NRG1: variants seen among roughly 807,000 people sequenced by gnomAD.
The protein encoded by NRG1 is neuregulin 1, also known as pro-neuregulin-1, membrane-bound isoform.
In NRG1, 18 loss-of-function variants were observed where a neutral mutation model predicts 63.8. That is an observed-to-expected ratio of 0.28 (90% CI 0.19 to 0.42). NRG1 has a LOEUF of 0.42. NRG1 is among the 10% of genes least tolerant of loss of function. The pLI is 1.00. For synonymous variants in NRG1, 302 were observed against 301.3 expected (o/e 1.00, Z -0.02); for missense variants, 762 against 814.7 (o/e 0.94, Z 0.79).
At chr8:32,395,893 C>T (rs1168044025) in intron 1 of NRG1, among the ~76,000 whole-genome samples, 1 of 152,042 alleles carries the variant, frequency 6.6e-6, no homozygotes, top group Non-Finnish European at 1.5e-5. Flanking sequence ...ATCCATTTTA[C>T]ATTAATTTTT....
chr8:32,277,519 TTA>T (rs1195788638), intron 1 of NRG1, among the ~76,000 whole-genome samples: 3 of 152,240 alleles, frequency 2.0e-5, no homozygotes, highest in Non-Finnish European at 4.4e-5. Flanking sequence ...TAAACAATCA[TTA>T]TATATGTTTC....
chr8:32,379,625 TC>T (rs1401266558), intron 1 of NRG1, among the ~76,000 whole-genome samples: 1 of 152,234 alleles, frequency 6.6e-6, no homozygotes, highest in Non-Finnish European at 1.5e-5. Context: ...GTCAGATCCT[TC>T]TGCATGTGCA....
At chr8:32,712,651 A>G (rs1403905454) in intron 5 of NRG1, among the ~76,000 whole-genome samples, 4 of 152,152 alleles carry the variant, frequency 2.6e-5, no homozygotes, top group Non-Finnish European at 4.4e-5. Context: ...TTATTAAGTC[A>G]TAGAGTTTAG....
At chr8:32,734,663 T>A (rs1296396005) in intron 6 of NRG1, among the ~76,000 whole-genome samples, 1 of 152,230 alleles carries the variant, frequency 6.6e-6, no homozygotes, top group Non-Finnish European at 1.5e-5. Context: ...TCCTCATATA[T>A]CTAGAATCCT....
Position 31,640,299 on chromosome 8 carries a change from G to T in NRG1, c.37+868G>T, listed in dbSNP as rs1254098390. The T allele has an allele frequency of 8.8e-7, 1 of 1,135,132 alleles. No homozygotes were observed. Among genetic ancestry groups the T allele is most frequent in the Non-Finnish European group, 1.1e-6 (1 of 926,466 alleles). The allele number at this position is 1,135,132 out of a possible 1,614,324, so 70.3% of individuals were successfully genotyped here. ...TCGACAGGAAGGCGGCGGCGGCGGC[G>T]GGCGAGGCAGGGGCGTGGGGCGGCG... is the stretch of plus-strand genomic sequence containing the variant. On this transcript the variant is annotated intron_variant, in intron 1 of 10. Coordinates refer to the NRG1 transcript ENST00000519301. This position sits in a 1 kb window ranked among gnomAD's most constrained non-coding sequence, Gnocchi z 6.3.
At chr8:31,851,010 G>A (rs1827160239) in intron 1 of NRG1, among the ~76,000 whole-genome samples, 1 of 152,102 alleles carries the variant, frequency 6.6e-6, no homozygotes, top group Non-Finnish European at 1.5e-5. Context: ...TAACTTTGGT[G>A]GCCATATACT....
At chr8:32,337,037 G>A (rs892725441) in intron 1 of NRG1, among the ~76,000 whole-genome samples, 4 of 151,976 alleles carry the variant, frequency 2.6e-5, no homozygotes, top group Non-Finnish European at 5.9e-5. Context: ...TGAAACAGGG[G>A]CTCACCCTGT....
intron 1 of NRG1, among the ~76,000 whole-genome samples, chr8:31,982,537 A>G (rs1169070872): frequency 1.3e-5 from 2 of 152,098 alleles, no homozygotes; most frequent in Non-Finnish European, 2.9e-5. Context: ...ATGTTTCTGC[A>G]CATTTAGAAT....
intron 1 of NRG1, among the ~76,000 whole-genome samples, chr8:31,653,475 G>A (rs1433107825): frequency 6.6e-6 from 1 of 152,146 alleles, no homozygotes; most frequent in African/African-American, 2.4e-5. Flanking sequence ...AACTAACACC[G>A]AGGCATAGCC....
At chr8:32,068,394 T>G (rs1257023680) in intron 1 of NRG1, among the ~76,000 whole-genome samples, 2 of 152,160 alleles carry the variant, frequency 1.3e-5, no homozygotes, top group Non-Finnish European at 2.9e-5. Flanking sequence ...AATCAGGGAA[T>G]GTGGACAAAG....
chr8:32,211,885 C>T (rs1275553712), intron 1 of NRG1, among the ~76,000 whole-genome samples: 4 of 152,056 alleles, frequency 2.6e-5, no homozygotes, highest in African/African-American at 7.2e-5. Flanking sequence ...TAGAAAAATA[C>T]TGTTTTCTCC....
At chr8:32,630,791 A>C (rs1459090210) in intron 5 of NRG1, among the ~76,000 whole-genome samples, 2 of 151,190 alleles carry the variant, frequency 1.3e-5, no homozygotes, top group African/African-American at 4.9e-5. Context: ...CATTTAAAGC[A>C]TGCAGCCTCT....
At chr8:31,901,437 A>G (rs1462143997) in intron 1 of NRG1, among the ~76,000 whole-genome samples, 2 of 152,228 alleles carry the variant, frequency 1.3e-5, no homozygotes, top group Non-Finnish European at 2.9e-5. Flanking sequence ...ATGAAGGAAT[A>G]ATGAAAGGCT....
intron 3 of NRG1, among the ~76,000 whole-genome samples, chr8:32,613,784 A>C (rs1846812697): frequency 6.6e-6 from 1 of 152,118 alleles, no homozygotes; most frequent in African/African-American, 2.4e-5. Context: ...AGATTCTGCC[A>C]AACTGAAGCC....
intron 1 of NRG1, among the ~76,000 whole-genome samples, chr8:32,190,935 A>G (rs1180448831): frequency 1.3e-5 from 2 of 152,192 alleles, no homozygotes; most frequent in South Asian, 2.1e-4. Context: ...AATAGGCAGT[A>G]CTTTGGTCCA....
intron 1 of NRG1, among the ~76,000 whole-genome samples, chr8:32,144,140 T>C (rs1836605364): frequency 6.6e-6 from 1 of 152,106 alleles, no homozygotes; most frequent in Admixed American, 6.5e-5. Flanking sequence ...CAGAGGCATC[T>C]GGAGACTGAG....
intron 1 of NRG1, among the ~76,000 whole-genome samples, chr8:32,025,032 G>A (rs1333814007): frequency 6.6e-6 from 1 of 152,124 alleles, no homozygotes; most frequent in East Asian, 1.9e-4. Flanking sequence ...TCTGAAGAAT[G>A]GGAATGGGAT....
At chr8:32,139,085 A>G (rs1243289251) in intron 1 of NRG1, 1 of 152,230 alleles carries the variant, frequency 6.6e-6, no homozygotes, top group Non-Finnish European at 1.5e-5. Flanking sequence ...TTCTGACCAT[A>G]TCTTCTTCCA....
intron 1 of NRG1, among the ~76,000 whole-genome samples, chr8:32,356,908 A>C (rs1276982315): frequency 6.6e-6 from 1 of 152,222 alleles, no homozygotes; most frequent in Non-Finnish European, 1.5e-5. Context: ...AACTGTGAGA[A>C]CATTAGGAGG....
Sources: allele counts gnomAD v4.1 joint callset (sites outside exome capture counted in the v4.1 genomes callset), GRCh38; gene constraint gnomAD v4.1.1; non-coding constraint Gnocchi (gnomAD v3.1); transcripts MANE v1.5; gene names NCBI Gene and HGNC (gene_info 2026-07-23, HGNC 2026-07-21).